TRPC6: variants seen among roughly 807,000 people sequenced by gnomAD.
The protein encoded by TRPC6 is short transient receptor potential channel 6.
TRPC6 carries 55 observed loss-of-function variants against 90.7 expected under a neutral mutation model. The ratio of observed to expected loss-of-function variants is 0.61; its 90% CI spans 0.49 to 0.76. TRPC6 has a LOEUF of 0.76. Ranked by LOEUF, TRPC6 falls within the 30% of genes least tolerant of loss-of-function variation. TRPC6 has a pLI of 0.00. For missense variants in TRPC6, 989 were observed against 1,122.7 expected (o/e 0.88, Z 1.70); for synonymous variants, 393 against 393.0 (o/e 1.00, Z 0.00).
intron 5 of TRPC6, among the ~76,000 whole-genome samples, chr11:101,481,809 C>A (rs1443015211): frequency 6.6e-6 from 1 of 152,184 alleles, no homozygotes; most frequent in African/African-American, 2.4e-5. Context: ...ATGATCAGAT[C>A]AAATCACCAA....
chr11:101,582,378 G>A lies in TRPC6; in HGVS notation c.170+956C>T, dbSNP rs1018217573. 2.0e-5 allele frequency among the ~76,000 whole-genome samples: 3 copies of A among 152,072 alleles called. No individual in the cohort carries two copies. The South Asian group carries it at 6.2e-4, about 32-fold the overall frequency. ...CTGTTTATAGAGCTGAGAACCTCGGGAAACCGCTTGCGGGTGGATGTGACA... is the reference window on the plus strand; with the variant it reads ...CTGTTTATAGAGCTGAGAACCTCGGAAAACCGCTTGCGGGTGGATGTGACA... On this transcript the variant is annotated intron_variant, in intron 1 of 12. Transcript: ENST00000344327.
At position 101,560,233 on chromosome 11, in the gene TRPC6, G is replaced by A. The variant is rs907547796; in HGVS notation, c.170+23101C>T. Among the ~76,000 whole-genome samples, 10 of 151,698 alleles carry A rather than the reference G, an allele frequency of 6.6e-5. No homozygotes were observed. In the South Asian group the frequency reaches 1.7e-3, roughly 25 times the overall value. Reference sequence around the variant, plus strand: ...GGTGAGCCCGTTATATACTTCTTTTGGACCATTTAGCATTTGAAAAAATCA... The same window carrying A: ...GGTGAGCCCGTTATATACTTCTTTTAGACCATTTAGCATTTGAAAAAATCA... On this transcript the variant is annotated intron_variant, in intron 1 of 12. Transcript: ENST00000344327.
chr11:101,518,267 C>A (rs1434025933), intron 1 of TRPC6, among the ~76,000 whole-genome samples: 4 of 151,896 alleles, frequency 2.6e-5, no homozygotes, highest in Admixed American at 6.6e-5. Flanking sequence ...CCCACAGAAT[C>A]GAAGAAAATA....
At chr11:101,532,356 C>G (rs1375470496) in intron 1 of TRPC6, among the ~76,000 whole-genome samples, 1 of 152,178 alleles carries the variant, frequency 6.6e-6, no homozygotes, top group Non-Finnish European at 1.5e-5. Context: ...AAGCCTGCCT[C>G]ACTCCACCTT....
chr11:101,579,974 T>C (rs938336773), intron 1 of TRPC6, among the ~76,000 whole-genome samples: 3 of 152,192 alleles, frequency 2.0e-5, no homozygotes, highest in African/African-American at 7.2e-5. Flanking sequence ...TCTTAGCACA[T>C]GGTAGATTAC....
At chr11:101,548,405 T>C (rs1467567347) in intron 1 of TRPC6, among the ~76,000 whole-genome samples, 2 of 143,088 alleles carry the variant, frequency 1.4e-5, no homozygotes, top group African/African-American at 5.1e-5. Flanking sequence ...TAATATATAA[T>C]TATATAAAAT....
At chr11:101,548,273 AATT>A (rs1407323978) in intron 1 of TRPC6, among the ~76,000 whole-genome samples, 28 of 135,990 alleles carry the variant, frequency 2.1e-4, no homozygotes, top group Non-Finnish European at 2.7e-4. Context: ...ATATATATAT[AATT>A]TATATATATA....
At chr11:101,555,095 A>C (rs1565241627) in intron 1 of TRPC6, among the ~76,000 whole-genome samples, 1 of 152,156 alleles carries the variant, frequency 6.6e-6, no homozygotes, top group African/African-American at 2.4e-5. Context: ...AGGCTAAGAG[A>C]CACTGCCATG....
intron 1 of TRPC6, among the ~76,000 whole-genome samples, chr11:101,540,164 G>A (rs753762770): frequency 5.9e-5 from 9 of 152,128 alleles, no homozygotes; most frequent in Admixed American, 1.3e-4. Flanking sequence ...GACAATTATC[G>A]CAGCAGTGGA....
intron 2 of TRPC6, among the ~76,000 whole-genome samples, chr11:101,501,909 G>A (rs1860136015): frequency 6.6e-6 from 1 of 152,122 alleles, no homozygotes; most frequent in Non-Finnish European, 1.5e-5. Context: ...ATTTTTAAAA[G>A]ACATTAGTAA....
At chr11:101,535,437 A>T (rs1407030264) in intron 1 of TRPC6, among the ~76,000 whole-genome samples, 1 of 151,632 alleles carries the variant, frequency 6.6e-6, no homozygotes, top group Non-Finnish European at 1.5e-5. Flanking sequence ...GAAAGTACTC[A>T]TAAAAGATAT....
At chr11:101,533,337 T>C (rs1860955834) in intron 1 of TRPC6, among the ~76,000 whole-genome samples, 1 of 152,074 alleles carries the variant, frequency 6.6e-6, no homozygotes, top group African/African-American at 2.4e-5. Context: ...GCACATCACA[T>C]GGCAAGAATG....
intron 1 of TRPC6, among the ~76,000 whole-genome samples, chr11:101,558,947 C>T (rs138327636): frequency 1.3e-5 from 2 of 152,162 alleles, no homozygotes; most frequent in Non-Finnish European, 2.9e-5. Context: ...AACTACACAA[C>T]ATTGATCTAG....
At chr11:101,489,157 C>G in intron 3 of TRPC6, 56 bp from the exon 4 acceptor site, 1 of 1,503,870 alleles carries the variant, frequency 6.6e-7, no homozygotes, top group African/African-American at 1.4e-5. Context: ...TCAGCATAAA[C>G]GATTTTCATG....
chr11:101,491,306 C>T (rs998840044), intron 3 of TRPC6: 11 of 368,276 alleles, frequency 3.0e-5, no homozygotes, highest in Admixed American at 1.5e-4. Context: ...TGGTGGTGGG[C>T]GCCTGTAGTC....
intron 1 of TRPC6, among the ~76,000 whole-genome samples, chr11:101,527,577 C>T (rs1167088386): frequency 6.6e-6 from 1 of 151,966 alleles, no homozygotes; most frequent in East Asian, 1.9e-4. Context: ...TGCACACATG[C>T]ATGTTATTTA....
At chr11:101,458,797 G>C (rs1329603368) in intron 10 of TRPC6, among the ~76,000 whole-genome samples, 1 of 152,196 alleles carries the variant, frequency 6.6e-6, no homozygotes, top group Non-Finnish European at 1.5e-5. Flanking sequence ...GAGCAGATGT[G>C]AAGGCAGTGT....
intron 1 of TRPC6, among the ~76,000 whole-genome samples, chr11:101,511,226 C>CT (rs1171564079): frequency 6.6e-6 from 1 of 152,150 alleles, no homozygotes; most frequent in Non-Finnish European, 1.5e-5. Context: ...TTTTACAACA[C>CT]TGACACTGTT....
intron 1 of TRPC6, among the ~76,000 whole-genome samples, chr11:101,510,359 C>T (rs184393794): frequency 6.6e-6 from 1 of 151,950 alleles, no homozygotes; most frequent in African/African-American, 2.4e-5. Flanking sequence ...CAAATGAAAC[C>T]TAGCAAAATC....
Sources: gnomAD v4.1 joint callset for allele counts (sites outside exome capture counted in the v4.1 genomes callset) on GRCh38, gnomAD v4.1.1 for gene constraint, MANE v1.5 for transcripts, NCBI Gene and HGNC (gene_info 2026-07-23, HGNC 2026-07-21) for gene names.